The following GNA12 variants were observed in gnomAD, a reference collection of about 807,000 sequenced individuals.
The protein encoded by GNA12 is G protein subunit alpha 12, also known as guanine nucleotide-binding protein subunit alpha-12.
A neutral mutation model predicts 26.0 loss-of-function variants in GNA12; 9 were observed. The ratio of observed to expected loss-of-function variants is 0.35; its 90% confidence interval spans 0.21 to 0.60. The LOEUF is 0.60. Ranked by LOEUF, GNA12 falls within the 20% of genes least tolerant of loss-of-function variation. GNA12 has a pLI of 0.78. For missense variants in GNA12, 405 were observed against 525.8 expected (o/e 0.77, Z 2.25); for synonymous variants, 264 against 219.6 (o/e 1.20, Z -1.79).
At chr7:2,765,501 G>C (rs1388321103) in intron 2 of GNA12, among the ~76,000 whole-genome samples, 1 of 152,108 alleles carries the variant, frequency 6.6e-6, no homozygotes, top group African/African-American at 2.4e-5. Context: ...GCGCAGGGAA[G>C]AGCAGGTGCT....
chr7:2,831,907 C>T (rs1778686297), intron 1 of GNA12, among the ~76,000 whole-genome samples: 1 of 152,186 alleles, frequency 6.6e-6, no homozygotes, highest in South Asian at 2.1e-4. Flanking sequence ...GCAGGTGAGA[C>T]TTTAAGTAAT....
intron 1 of GNA12, chr7:2,814,878 C>T (rs772299437): frequency 6.0e-5 from 96 of 1,602,134 alleles, no homozygotes; most frequent in East Asian, 3.4e-4. Context: ...CTCACTCACA[C>T]GACTGCCAGG....
At chr7:2,812,499 C>T (rs755681400) in intron 1 of GNA12, among the ~76,000 whole-genome samples, 1 of 152,192 alleles carries the variant, frequency 6.6e-6, no homozygotes, top group Non-Finnish European at 1.5e-5. Flanking sequence ...TGTGGTGGCG[C>T]ATGCCTGTAG....
chr7:2,788,404 G>A (rs996302750), intron 2 of GNA12, among the ~76,000 whole-genome samples: 3 of 152,138 alleles, frequency 2.0e-5, no homozygotes, highest in Non-Finnish European at 4.4e-5. Context: ...AAGAAGAGGG[G>A]AGCTCTCCCT....
At chr7:2,810,607 T>C (rs1379622657) in intron 1 of GNA12, among the ~76,000 whole-genome samples, 2 of 152,134 alleles carry the variant, frequency 1.3e-5, no homozygotes, top group East Asian at 1.9e-4. Context: ...GGCAAGATAA[T>C]GAGAAAAGTC....
intron 1 of GNA12, among the ~76,000 whole-genome samples, chr7:2,806,695 G>A (rs1583297371): frequency 6.6e-6 from 1 of 151,996 alleles, no homozygotes; most frequent in South Asian, 2.1e-4. Flanking sequence ...GCGATGTATC[G>A]TAAACACTTT....
At chr7:2,830,030 T>G (rs1250922707) in intron 1 of GNA12, among the ~76,000 whole-genome samples, 1 of 152,228 alleles carries the variant, frequency 6.6e-6, no homozygotes, top group African/African-American at 2.4e-5. Flanking sequence ...CACAGAGCTC[T>G]GGGTGCCTCC....
At position 2,843,866 on chromosome 7, in the gene GNA12, T is replaced by C. The variant is rs781627594; in HGVS notation, c.296A>G (p.Asp99Gly). ...GGCGCGCGTCACCTTGAGGATGTTGTCGAAGATGGTGTCGCGGAACTCCAG... is the reference window on the plus strand; with the variant it reads ...GGCGCGCGTCACCTTGAGGATGTTGCCGAAGATGGTGTCGCGGAACTCCAG... ...ALLEFRDTIF[D>G]NILKGSRVLV... The change falls in exon 1 of 4, where the codon GAC (aspartate) becomes GGC (glycine). Residue 99 changes from aspartate (D) to glycine (G), a missense_variant. Transcript: ENST00000275364. The C allele has an allele frequency of 3.9e-6, 6 of 1,537,914 alleles. No individual in the cohort carries two copies. The South Asian group carries it at 6.0e-5, about 15-fold the overall frequency.
At chr7:2,803,624 G>A (rs980378661) in intron 1 of GNA12, among the ~76,000 whole-genome samples, 2 of 152,136 alleles carry the variant, frequency 1.3e-5, no homozygotes, top group Non-Finnish European at 2.9e-5. Flanking sequence ...GTGACATTTA[G>A]GTAGGTTTTC....
At chr7:2,737,290 T>G (rs1028045799) in intron 2 of GNA12, among the ~76,000 whole-genome samples, 7 of 44,330 alleles carry the variant, frequency 1.6e-4, no homozygotes, top group African/African-American at 5.1e-4. Context: ...TTTTTTTTTG[T>G]TTTTTTTTTT....
At chr7:2,751,804 C>T (rs1562405683) in intron 2 of GNA12, among the ~76,000 whole-genome samples, 1 of 152,110 alleles carries the variant, frequency 6.6e-6, no homozygotes, top group South Asian at 2.1e-4. Flanking sequence ...TTTCCCAAAA[C>T]GGATACTGTA....
intron 1 of GNA12, among the ~76,000 whole-genome samples, chr7:2,821,872 A>G (rs1347856588): frequency 6.6e-6 from 1 of 152,204 alleles, no homozygotes; most frequent in African/African-American, 2.4e-5. Context: ...CAAGTTCCCT[A>G]AGACCTTTTT....
At position 2,751,083 on chromosome 7, in the gene GNA12, G is replaced by C. The variant is rs148566878; in HGVS notation, c.526-17582C>G. On this transcript the variant is annotated intron_variant, in intron 2 of 3. Coordinates refer to ENST00000275364, the MANE Select transcript of GNA12 (RefSeq NM_007353.3). ...ACTACAGCATTTCGGGGAGAAATCT[G>C]TTGCTTTACATGCTTATATTAGGGC... is the stretch of plus-strand genomic sequence containing the variant. Among the ~76,000 whole-genome samples the C allele has an allele frequency of 5.5e-4, 84 of 152,266 alleles. 2 individuals carry two copies. The highest frequency in any genetic ancestry group is 1.8e-3 in the African/African-American group (75 of 41,556).
At chr7:2,747,139 A>T (rs1378693773) in intron 2 of GNA12, among the ~76,000 whole-genome samples, 1 of 152,234 alleles carries the variant, frequency 6.6e-6, no homozygotes, top group Non-Finnish European at 1.5e-5. Context: ...CAATCAATAG[A>T]AAAAGAGGGA....
chr7:2,749,677 A>G (rs1472297727), intron 2 of GNA12, among the ~76,000 whole-genome samples: 1 of 152,202 alleles, frequency 6.6e-6, no homozygotes, highest in Non-Finnish European at 1.5e-5. Flanking sequence ...TAAAATAAAA[A>G]AAAAGAAAAT....
intron 2 of GNA12, among the ~76,000 whole-genome samples, chr7:2,784,258 T>C (rs1036158690): frequency 1.3e-5 from 2 of 152,154 alleles, no homozygotes; most frequent in Non-Finnish European, 2.9e-5. Context: ...GTTGGAACTA[T>C]AGTCACATGC....
intron 2 of GNA12, among the ~76,000 whole-genome samples, chr7:2,755,304 G>A (rs1371358419): frequency 2.0e-5 from 3 of 152,170 alleles, no homozygotes; most frequent in Non-Finnish European, 2.9e-5. Flanking sequence ...ATCTTGCTGC[G>A]ATTTTCACAG....
rs1340457174 is a variant in GNA12, at chr7:2,728,647, T to TA, written c.*2533dup. 1.3e-5 allele frequency: 2 copies of TA among 152,468 alleles called. No individual in the cohort carries two copies. The highest frequency in any genetic ancestry group is 2.9e-5 in the Non-Finnish European group (2 of 68,020). The allele number at this position is 152,468 out of a possible 1,614,324, so 9.4% of individuals were successfully genotyped here. A position where few individuals can be genotyped will look rare whatever the true frequency, so the allele number is the denominator to read the frequency against. On this transcript the variant is annotated 3_prime_UTR_variant, in exon 4 of 4. Coordinates refer to ENST00000275364, the MANE Select transcript of GNA12 (RefSeq NM_007353.3). ...TCCAACATCTTAATAAAAAAGACAA[T>TA]AAGGATTAACAGTGAAATTAAAATT... is the stretch of plus-strand genomic sequence containing the variant.
At chr7:2,831,562 C>G (rs930240028) in intron 1 of GNA12, among the ~76,000 whole-genome samples, 1 of 151,942 alleles carries the variant, frequency 6.6e-6, no homozygotes, top group Non-Finnish European at 1.5e-5. Context: ...TGCCACCACG[C>G]CCGGTTATTT....
Sources: gnomAD v4.1 joint callset for allele counts (sites outside exome capture counted in the v4.1 genomes callset) on GRCh38, gnomAD v4.1.1 for gene constraint, MANE v1.5 for transcripts, NCBI Gene and HGNC (gene_info 2026-07-23, HGNC 2026-07-21) for gene names.